The following GRIN2B variants were observed in gnomAD, a reference collection of about 807,000 sequenced individuals.
GRIN2B encodes the protein glutamate ionotropic receptor NMDA type subunit 2B.
GRIN2B carries 5 observed loss-of-function variants against 114.5 expected under a neutral mutation model. The observed-to-expected ratio is 0.04, with a 90% CI of 0.02 to 0.09. GRIN2B has a LOEUF of 0.09. Ranked by LOEUF, GRIN2B falls within the 10% of genes least tolerant of loss-of-function variation. The pLI is 1.00. For missense variants in GRIN2B, 1,108 were observed against 1,943.5 expected (o/e 0.57, Z 8.08); for synonymous variants, 787 against 745.1 (o/e 1.06, Z -0.92).
intron 4 of GRIN2B, among the ~76,000 whole-genome samples, chr12:13,742,010 T>C (rs1411890666): frequency 1.3e-5 from 2 of 152,172 alleles, no homozygotes; most frequent in Non-Finnish European, 2.9e-5. Flanking sequence ...AGTACAGGCT[T>C]TTTCTTGATT....
intron 2 of GRIN2B, among the ~76,000 whole-genome samples, chr12:13,878,849 G>A (rs960486448): frequency 5.9e-5 from 9 of 152,172 alleles, no homozygotes; most frequent in African/African-American, 9.7e-5. Context: ...AAATGTAAAA[G>A]CACTGGGAGT....
chr12:13,579,039 G>C (rs1402980180), intron 10 of GRIN2B, among the ~76,000 whole-genome samples: 1 of 152,176 alleles, frequency 6.6e-6, no homozygotes, highest in Non-Finnish European at 1.5e-5. Context: ...CAAGGGGGCT[G>C]TCTCGATGGT....
chr12:13,798,249 G>A (rs1486745006), intron 3 of GRIN2B, among the ~76,000 whole-genome samples: 1 of 150,278 alleles, frequency 6.7e-6, no homozygotes, highest in Admixed American at 6.6e-5. Flanking sequence ...ATGAACATAT[G>A]ATTGTAGAGT....
At chr12:13,967,417 G>T (rs190189397) in intron 2 of GRIN2B, among the ~76,000 whole-genome samples, 86 of 152,320 alleles carry the variant, frequency 5.6e-4, no homozygotes, top group Admixed American at 5.6e-3. Flanking sequence ...TCAAATCCTG[G>T]TTGTGCCATT....
At chr12:13,738,818 G>A (rs1022611514) in intron 4 of GRIN2B, among the ~76,000 whole-genome samples, 11 of 152,058 alleles carry the variant, frequency 7.2e-5, no homozygotes, top group South Asian at 2.1e-4. Context: ...TTTAATACAC[G>A]TCTGTTCCCG....
intron 2 of GRIN2B, among the ~76,000 whole-genome samples, chr12:13,880,459 G>A (rs777337404): frequency 1.8e-4 from 27 of 152,140 alleles, no homozygotes; most frequent in Non-Finnish European, 7.4e-5. Flanking sequence ...GGAGGAAGAG[G>A]AACAGATCTC....
chr12:13,839,075 G>A (rs980506779), intron 3 of GRIN2B, among the ~76,000 whole-genome samples: 1 of 147,048 alleles, frequency 6.8e-6, no homozygotes, highest in Non-Finnish European at 1.5e-5. Flanking sequence ...GTGCCACCAA[G>A]GACTCTTCTG....
chr12:13,592,683 C>T (rs1264458403), intron 10 of GRIN2B, among the ~76,000 whole-genome samples: 1 of 152,124 alleles, frequency 6.6e-6, no homozygotes, highest in Non-Finnish European at 1.5e-5. Context: ...TTTATCTATA[C>T]CTGTACTCCA....
rs1949430458 is a variant in GRIN2B, at chr12:13,615,733, C to A, written c.1329-69G>T. On this transcript the variant is annotated intron_variant, in intron 6 of 13. Coordinates refer to ENST00000609686, the MANE Select transcript of GRIN2B (RefSeq NM_000834.5). This position sits in a 1 kb window ranked among gnomAD's most constrained non-coding sequence, Gnocchi z 5.8. ...TGTACAAAAAGCCAACATTTATTAC[C>A]CTTTGCCATTAAAAAACCTCCAATC... 2.9e-6 allele frequency: 4 copies of A among 1,370,864 alleles called. No individual in the cohort carries two copies. The African/African-American group carries it at 4.3e-5, about 15-fold the overall frequency. 84.9% of individuals were successfully genotyped at this position (1,370,864 alleles called of 1,614,324 possible). A position where few individuals can be genotyped will look rare whatever the true frequency, so the allele number is the denominator to read the frequency against.
At chr12:13,762,121 A>G (rs1412635536) in intron 3 of GRIN2B, among the ~76,000 whole-genome samples, 3 of 152,170 alleles carry the variant, frequency 2.0e-5, no homozygotes, top group African/African-American at 4.8e-5. Flanking sequence ...CTCCTGCCTC[A>G]GCCTCCTGAG....
intron 4 of GRIN2B, among the ~76,000 whole-genome samples, chr12:13,732,352 G>A (rs149814520): frequency 3.0e-4 from 45 of 152,280 alleles, no homozygotes; most frequent in Middle Eastern, 3.4e-3. Flanking sequence ...TTCAGGTCAA[G>A]TTGATTCCAA....
At chr12:13,802,984 G>A (rs1038457701) in intron 3 of GRIN2B, among the ~76,000 whole-genome samples, 8 of 125,194 alleles carry the variant, frequency 6.4e-5, no homozygotes, top group Non-Finnish European at 1.2e-4. Flanking sequence ...CAGCAAGAAC[G>A]ACCTCTTCTC....
chr12:13,597,744 T>C (rs549413393), intron 10 of GRIN2B, among the ~76,000 whole-genome samples: 1 of 152,342 alleles, frequency 6.6e-6, no homozygotes, highest in South Asian at 2.1e-4. Context: ...ACTCGGTTAC[T>C]TTGTGTGCTT....
chr12:13,580,441 C>T (rs548402435), intron 10 of GRIN2B, among the ~76,000 whole-genome samples: 89 of 152,344 alleles, frequency 5.8e-4, no homozygotes, highest in African/African-American at 2.1e-3. Context: ...GTCTTCAAAG[C>T]TTGACAATCC....
At chr12:13,937,496 A>G (rs1384537308) in intron 2 of GRIN2B, among the ~76,000 whole-genome samples, 1 of 37,216 alleles carries the variant, frequency 2.7e-5, no homozygotes, top group Non-Finnish European at 6.5e-5. Flanking sequence ...TAAAGTGCCA[A>G]AAAAAGAAAA....
intron 3 of GRIN2B, among the ~76,000 whole-genome samples, chr12:13,841,830 A>G (rs1286439555): frequency 6.6e-6 from 1 of 152,142 alleles, no homozygotes; most frequent in Non-Finnish European, 1.5e-5. Flanking sequence ...CTGAGATCAT[A>G]TATTTCTTAG....
chr12:13,949,582 C>T (rs1052789946), intron 2 of GRIN2B, among the ~76,000 whole-genome samples: 1 of 151,980 alleles, frequency 6.6e-6, no homozygotes, highest in Non-Finnish European at 1.5e-5. Flanking sequence ...GCCTCATGAT[C>T]AATATAACAT....
rs115146194 is a variant in GRIN2B at position 13,753,121 on chromosome 12, T to C, written c.1010+196A>G. ...GTAACATCTAACACATAATAAGTGC[T>C]CAATAAATGAAAGTTGTTTTGGCAA... On this transcript the variant is annotated intron_variant, in intron 4 of 13. Coordinates refer to ENST00000609686, the MANE Select transcript of GRIN2B (RefSeq NM_000834.5). The surrounding 1 kb of genome is among the most constrained non-coding windows in gnomAD (Gnocchi z 6.2). Among the ~76,000 whole-genome samples, 4,143 of 152,256 alleles carry C rather than the reference T, an allele frequency of 0.027. 189 individuals carry two copies. Among genetic ancestry groups the C allele is most frequent in the African/African-American group, 0.094 (3,918 of 41,526 alleles).
Position 13,547,961 on chromosome 12 carries a change from A to T in GRIN2B, c.*14822T>A, listed in dbSNP as rs10772691. On this transcript the variant is annotated 3_prime_UTR_variant, in exon 14 of 14. Transcript: ENST00000609686. ...TGTATGTATGTATGTATGTGTGTGT[A>T]TATATATATATATATATATATTTTT... 4 of 66,432 alleles carry T rather than the reference A, an allele frequency of 6.0e-5. No individual in the cohort carries two copies. The highest frequency in any genetic ancestry group is 1.9e-4 in the African/African-American group (4 of 21,616). 4.1% of individuals were successfully genotyped at this position (66,432 alleles called of 1,614,324 possible).
Sources: allele counts gnomAD v4.1 joint callset (sites outside exome capture counted in the v4.1 genomes callset), GRCh38; gene constraint gnomAD v4.1.1; non-coding constraint Gnocchi (gnomAD v3.1); transcripts MANE v1.5; gene names NCBI Gene and HGNC (gene_info 2026-07-23, HGNC 2026-07-21).